The following TBC1D30 variants were observed in gnomAD, a reference collection of about 807,000 sequenced individuals.
The protein encoded by TBC1D30 is TBC1 domain family, member 30.
Under a neutral mutation model 63.2 loss-of-function variants are expected in TBC1D30, and 31 were observed. The ratio of observed to expected loss-of-function variants is 0.49; its 90% CI spans 0.37 to 0.66. TBC1D30 has a LOEUF of 0.66. TBC1D30 is among the 30% of genes least tolerant of loss of function. The pLI, the probability that TBC1D30 is intolerant of heterozygous loss-of-function variation, is 0.00. For synonymous variants in TBC1D30, 307 were observed against 361.5 expected (o/e 0.85, Z 1.71); for missense variants, 810 against 953.6 (o/e 0.85, Z 1.98).
chr12:64,806,671 C>T (rs1269590267), intron 2 of TBC1D30, among the ~76,000 whole-genome samples: 10 of 152,134 alleles, frequency 6.6e-5, no homozygotes, highest in Admixed American at 6.5e-4. Flanking sequence ...AAATCTATTT[C>T]TGGGTGTATA....
intron 8 of TBC1D30, among the ~76,000 whole-genome samples, chr12:64,862,325 A>G (rs1170247300): frequency 6.6e-6 from 1 of 152,214 alleles, no homozygotes; most frequent in Non-Finnish European, 1.5e-5. Flanking sequence ...AATATTTGGG[A>G]AGAACTACTA....
At position 64,824,871 on chromosome 12, in the gene TBC1D30, C is replaced by T. The variant is rs1268652684; in HGVS notation, c.-9C>T. ...ACGGTAGCCGTGCCAGAGCCCGGGGCGCTCTCGGATGCGGCAGGACAAGCT... is the reference window on the plus strand; with the variant it reads ...ACGGTAGCCGTGCCAGAGCCCGGGGTGCTCTCGGATGCGGCAGGACAAGCT... On this transcript the variant is annotated 5_prime_UTR_variant, in exon 1 of 12. Coordinates refer to ENST00000539867, the MANE Select transcript of TBC1D30 (RefSeq NM_015279.2). 9 of 1,532,458 alleles carry T rather than the reference C, an allele frequency of 5.9e-6. No individual in the cohort carries two copies. The highest frequency in any genetic ancestry group is 7.9e-6 in the Non-Finnish European group (9 of 1,145,872). The allele number at this position is 1,532,458 out of a possible 1,614,324, so 94.9% of individuals were successfully genotyped here.
intron 1 of TBC1D30, among the ~76,000 whole-genome samples, chr12:64,774,288 T>C (rs1172953062): frequency 1.3e-5 from 2 of 152,102 alleles, no homozygotes; most frequent in African/African-American, 4.8e-5. Context: ...AATATGAGAT[T>C]ATGTAAAGAG....
intron 2 of TBC1D30, among the ~76,000 whole-genome samples, chr12:64,788,192 GGTGT>G (rs61697442): frequency 0.015 from 2,135 of 145,062 alleles, 35 homozygotes; most frequent in African/African-American, 0.035. Context: ...GGTGTGTAGG[GGTGT>G]GTGTGTGTGT....
At chr12:64,800,198 A>C (rs914697396) in intron 2 of TBC1D30, among the ~76,000 whole-genome samples, 1 of 152,226 alleles carries the variant, frequency 6.6e-6, no homozygotes, top group Non-Finnish European at 1.5e-5. Context: ...AGATAAGGGC[A>C]CAGAGGCTGA....
chr12:64,874,965 G>T (rs1878928634), intron 11 of TBC1D30, 36 bp from the exon 12 acceptor site: 2 of 1,503,798 alleles, frequency 1.3e-6, no homozygotes, highest in Non-Finnish European at 1.8e-6. Flanking sequence ...GTTTCTTTGT[G>T]GTACACTTCA....
At chr12:64,807,695 C>T (rs1294936848) in intron 2 of TBC1D30, among the ~76,000 whole-genome samples, 1 of 152,034 alleles carries the variant, frequency 6.6e-6, no homozygotes, top group Admixed American at 6.5e-5. Flanking sequence ...AGCATCCTTT[C>T]CCAAACTGGT....
chr12:64,806,483 C>G (rs1395585778), intron 2 of TBC1D30, among the ~76,000 whole-genome samples: 1 of 152,052 alleles, frequency 6.6e-6, no homozygotes, highest in African/African-American at 2.4e-5. Context: ...CAGCTCACAT[C>G]CATTAGGAGC....
chr12:64,809,431 A>G (rs1873077149), intron 2 of TBC1D30, among the ~76,000 whole-genome samples: 2 of 152,196 alleles, frequency 1.3e-5, no homozygotes, highest in Admixed American at 1.3e-4. Flanking sequence ...CCATTATTTC[A>G]TTCCTTTTAT....
exon 1 of TBC1D30, chr12:64,780,673 C>T (rs1871219753): frequency 2.9e-5 from 25 of 851,054 alleles, no homozygotes; most frequent in Non-Finnish European, 3.5e-5. Context: ...CCGGGCACCT[C>T]GGGGATCCAG....
In TBC1D30 at chr12:64,832,182, T is replaced by C. The variant is rs926866736; in HGVS notation, c.472T>C (p.Leu158=). Residue 158 remains leucine, a synonymous_variant, in exon 5 of 12, where the codon TTG becomes CTG. Transcript: ENST00000539867. ...GQEAEQDRVV[L]KRVLLAYARW... The stretch of plus-strand genomic sequence containing the variant: ...GGAGGCTGAGCAGGACAGGGTTGTG[T>C]TGAAGCGGGTGCTGCTGGCCTATGC... 1 of 1,536,166 alleles carries C rather than the reference T, an allele frequency of 6.5e-7. No individual in the cohort carries two copies. Among genetic ancestry groups the C allele is most frequent in the Admixed American group, 2.0e-5 (1 of 51,000 alleles).
chr12:64,792,753 TA>T lies in TBC1D30; in HGVS notation c.643+6709del, dbSNP rs556906504. On this transcript the variant is annotated intron_variant, in intron 2 of 12. Coordinates refer to the TBC1D30 transcript ENST00000542120. ...ACCCAGCTAATTTTTTTTTAATTTT[TA>T]GTAGAGATGGGGTTTCACCATGTTG... Among the ~76,000 whole-genome samples the T allele has an allele frequency of 3.2e-4, 49 of 152,212 alleles. 1 individual carries two copies. The South Asian group carries it at 5.6e-3, about 17-fold the overall frequency.
At chr12:64,796,842 T>C (rs1872305016) in intron 2 of TBC1D30, among the ~76,000 whole-genome samples, 1 of 152,140 alleles carries the variant, frequency 6.6e-6, no homozygotes, top group African/African-American at 2.4e-5. Context: ...AGTTCTTTTA[T>C]ACGAAGTGTA....
intron 7 of TBC1D30, among the ~76,000 whole-genome samples, chr12:64,840,004 C>CAAAAAAAAAAAAAAAAAAAAA (rs60440376): frequency 3.4e-4 from 33 of 98,316 alleles, no homozygotes; most frequent in African/African-American, 1.4e-3. Flanking sequence ...GACTCTGTCT[C>CAAAAAAAAAAAAAAAAAAAAA]AAAAAAAAAA....
intron 8 of TBC1D30, among the ~76,000 whole-genome samples, chr12:64,860,017 C>T (rs7973628): frequency 0.045 from 6,208 of 138,048 alleles, 429 homozygotes; most frequent in African/African-American, 0.15. Flanking sequence ...GATTCTTCTT[C>T]TTTTTTTTTT....
chr12:64,796,591 A>G (rs975977310), intron 2 of TBC1D30, among the ~76,000 whole-genome samples: 1 of 152,202 alleles, frequency 6.6e-6, no homozygotes, highest in Admixed American at 6.5e-5. Context: ...TACCATGTAT[A>G]TGTATTGTGA....
At chr12:64,765,844 A>AAT (rs1870694060) in intron 1 of TBC1D30, among the ~76,000 whole-genome samples, 1 of 150,892 alleles carries the variant, frequency 6.6e-6, no homozygotes, top group South Asian at 2.1e-4. Context: ...AAAAAAAAAA[A>AAT]AAAATACAAT....
Position 64,876,332 on chromosome 12 carries a change from T to C in TBC1D30, c.*544T>C, listed in dbSNP as rs1879076993. On this transcript the variant is annotated 3_prime_UTR_variant, in exon 12 of 12. Coordinates refer to ENST00000539867, the MANE Select transcript of TBC1D30 (RefSeq NM_015279.2). ...CACAGTACCAGTTTCAAATTTTTTT[T>C]TTATTCTTATGCTAAATCATAGGAG... The C allele has an allele frequency of 6.4e-6, 1 of 155,138 alleles. No homozygotes were observed. Among genetic ancestry groups the C allele is most frequent in the Admixed American group, 6.3e-5 (1 of 15,794 alleles). 9.6% of individuals were successfully genotyped at this position (155,138 alleles called of 1,614,324 possible).
At chr12:64,771,751 C>A (rs955154367) in intron 1 of TBC1D30, among the ~76,000 whole-genome samples, 1 of 152,124 alleles carries the variant, frequency 6.6e-6, no homozygotes, top group Non-Finnish European at 1.5e-5. Context: ...TTTAAAAAAA[C>A]AACAACATAG....
Sources: gnomAD v4.1 joint callset for allele counts (sites outside exome capture counted in the v4.1 genomes callset) on GRCh38, gnomAD v4.1.1 for gene constraint, MANE v1.5 for transcripts, NCBI Gene and HGNC (gene_info 2026-07-23, HGNC 2026-07-21) for gene names.